NEUROD4: variants seen among roughly 807,000 people sequenced by gnomAD.
The protein encoded by NEUROD4 is neuronal differentiation 4.
Under a neutral mutation model 19.8 loss-of-function variants are expected in NEUROD4, and 16 were observed. The observed-to-expected ratio is 0.81, with a 90% confidence interval of 0.55 to 1.23. The LOEUF (loss-of-function observed/expected upper bound fraction) is 1.23, where lower values mean the gene tolerates loss of function less well. Among genes scored for constraint, NEUROD4 ranks in the 50% most tolerant of loss-of-function variants. The probability of loss-of-function intolerance (pLI) is 0.00; values close to 1 mark genes in which losing one functional copy is unlikely to be tolerated. For missense variants in NEUROD4, 439 were observed against 398.6 expected, an observed-to-expected ratio of 1.10 and a Z score of -0.86; for synonymous variants, 153 against 147.9, an observed-to-expected ratio of 1.03 and a Z score of -0.25.
chr12:55,027,395 A>T lies in NEUROD4; in HGVS notation c.956A>T (p.His319Leu). 1 of 1,613,312 alleles carries T rather than the reference A, an allele frequency of 6.2e-7. No individual in the cohort carries two copies. The highest frequency in any genetic ancestry group is 8.5e-7 in the Non-Finnish European group (1 of 1,179,552). The change falls in exon 2 of 2, where the codon CAT becomes CTT. Residue 319 changes from histidine to leucine, a missense_variant. Transcript: ENST00000242994. ...ATGTCCTATGATTCCTACCCCCATCATGGTATTGGGACCCAACTCAATACA... is the reference window on the plus strand; with the variant it reads ...ATGTCCTATGATTCCTACCCCCATCTTGGTATTGGGACCCAACTCAATACA... ...IDMSYDSYPH[H>L]GIGTQLNTVF...
chr12:55,027,728 T>G lies in NEUROD4; in HGVS notation c.*293T>G, dbSNP rs1269804103. 3.1e-6 allele frequency: 1 copy of G among 321,500 alleles called. No individual in the cohort carries two copies. Among genetic ancestry groups the G allele is most frequent in the Non-Finnish European group, 6.0e-6 (1 of 167,656 alleles). The allele number at this position is 321,500 out of a possible 1,614,324, so 19.9% of individuals were successfully genotyped here. A position where few individuals can be genotyped will look rare whatever the true frequency, so the allele number is the denominator to read the frequency against. The stretch of plus-strand genomic sequence containing the variant: ...GTGGTGCCAAAAACTCATTGCATAA[T>G]CTGTGCCAATTAATTTTCCATTTCT... On this transcript the variant is annotated 3_prime_UTR_variant, in exon 2 of 2. Coordinates refer to ENST00000242994, the MANE Select transcript of NEUROD4 (RefSeq NM_021191.3).
chr12:55,021,309 T>C (rs567719240), intron 1 of NEUROD4, among the ~76,000 whole-genome samples: 3 of 152,350 alleles, frequency 2.0e-5, no homozygotes, highest in South Asian at 2.1e-4. Context: ...GTCTTTTTAG[T>C]GCCAAGACTG....
At chr12:55,020,504 T>C (rs937269599) in intron 1 of NEUROD4, among the ~76,000 whole-genome samples, 191 bp downstream of exon 1, 1 of 152,198 alleles carries the variant, frequency 6.6e-6, no homozygotes, top group South Asian at 2.1e-4. Context: ...TAAATAATTT[T>C]ATTAAATTTT....
rs1350823449 is a variant in NEUROD4 at position 55,027,182 on chromosome 12, C to T, written c.743C>T (p.Pro248Leu). The T allele has an allele frequency of 1.9e-6, 3 of 1,614,074 alleles. No individual in the cohort carries two copies. Among genetic ancestry groups the T allele is most frequent in the South Asian group, 1.1e-5 (1 of 91,084 alleles). ...CATCTGCCTGACTGCAGTACACCCCCTTATGAGGGCCCACTCACTCCACCC... is the reference window on the plus strand; with the variant it reads ...CATCTGCCTGACTGCAGTACACCCCTTTATGAGGGCCCACTCACTCCACCC... ...GSHLPDCSTP[P>L]YEGPLTPPLS... Residue 248 changes from proline (P) to leucine (L), a missense_variant, in exon 2 of 2, where the codon CCT becomes CTT. Transcript: ENST00000242994.
rs1049761432 is a variant in NEUROD4 at position 55,028,635 on chromosome 12, A to C, written c.*1200A>C. The C allele has an allele frequency of 1.2e-5, 2 of 167,004 alleles. No homozygotes were observed. The highest frequency in any genetic ancestry group is 1.3e-4 in the Admixed American group (2 of 15,262). The allele number at this position is 167,004 out of a possible 1,614,324, so 10.3% of individuals were successfully genotyped here. On this transcript the variant is annotated 3_prime_UTR_variant, in exon 2 of 2. Transcript: ENST00000242994. ...GATCAAGGTTAAATTTTTCCAACAT[A>C]TATGTAGTTCCTTATCTCTCCCCCT... is the stretch of plus-strand genomic sequence containing the variant.
chr12:55,021,410 C>A (rs575273185), intron 1 of NEUROD4, among the ~76,000 whole-genome samples: 4 of 152,088 alleles, frequency 2.6e-5, no homozygotes, highest in Non-Finnish European at 5.9e-5. Flanking sequence ...ATTTAGTCAT[C>A]GGATCAGGAG....
At position 55,029,362 on chromosome 12, in the gene NEUROD4, T is replaced by C. The variant is rs944120534; in HGVS notation, c.*1927T>C. On this transcript the variant is annotated 3_prime_UTR_variant, in exon 2 of 2. Transcript: ENST00000242994. ...AGTAAAATGATATATAAAGCCATACTATGTGCTTTCTGAGTATATACTGCA... is the reference window on the plus strand; with the variant it reads ...AGTAAAATGATATATAAAGCCATACCATGTGCTTTCTGAGTATATACTGCA... The C allele has an allele frequency of 6.0e-6, 1 of 166,970 alleles. No homozygotes were observed. The highest frequency in any genetic ancestry group is 1.5e-5 in the Non-Finnish European group (1 of 68,110). The allele number at this position is 166,970 out of a possible 1,614,324, so 10.3% of individuals were successfully genotyped here. A position where few individuals can be genotyped will look rare whatever the true frequency, so the allele number is the denominator to read the frequency against.
chr12:55,022,184 AT>A (rs2136238292), intron 1 of NEUROD4, among the ~76,000 whole-genome samples: 1 of 152,152 alleles, frequency 6.6e-6, no homozygotes, highest in South Asian at 2.1e-4. Flanking sequence ...AATTACAATA[AT>A]TTTTCTGTGC....
intron 1 of NEUROD4, among the ~76,000 whole-genome samples, chr12:55,021,866 T>G (rs915597153): frequency 6.6e-6 from 1 of 151,932 alleles, no homozygotes; most frequent in Non-Finnish European, 1.5e-5. Context: ...AGGGCCAGAT[T>G]CTGCCCCTTG....
chr12:55,027,453 T>C lies in NEUROD4; in HGVS notation c.*18T>C. On this transcript the variant is annotated 3_prime_UTR_variant, in exon 2 of 2. Coordinates refer to ENST00000242994, the MANE Select transcript of NEUROD4 (RefSeq NM_021191.3). ...CTGAGTGAGGCAGTTAAGTTCAATG[T>C]TTCAGAGAATGACGTGGAGACATTT... 1 of 1,570,732 alleles carries C rather than the reference T, an allele frequency of 6.4e-7. No homozygotes were observed. The highest frequency in any genetic ancestry group is 1.2e-5 in the South Asian group (1 of 83,296).
At chr12:55,024,788 AAGTG>A (rs1952708568) in intron 1 of NEUROD4, among the ~76,000 whole-genome samples, 1 of 152,230 alleles carries the variant, frequency 6.6e-6, no homozygotes, top group Non-Finnish European at 1.5e-5. Context: ...AAGCCTTATT[AAGTG>A]AGTAAGTCAA....
Position 55,027,144 on chromosome 12 carries a change from G to A in NEUROD4, c.705G>A (p.Ser235=), listed in dbSNP as rs528788272. 5.6e-5 allele frequency: 91 copies of A among 1,613,968 alleles called. No individual in the cohort carries two copies. The highest frequency in any genetic ancestry group is 1.6e-4 in the Middle Eastern group (1 of 6,084). The stretch of plus-strand genomic sequence containing the variant: ...AAGTATTCAAGAGTTTGGGAGAATC[G>A]TCCTTTGGGAGCCATCTGCCTGACT... ...KPQVFKSLGE[S]SFGSHLPDCS... Residue 235 remains serine, a synonymous_variant, in exon 2 of 2, where the codon TCG becomes TCA. Coordinates refer to ENST00000242994, the MANE Select transcript of NEUROD4 (RefSeq NM_021191.3).
In NEUROD4 at chr12:55,026,823, T is replaced by G. The variant is rs1160922094; in HGVS notation, c.384T>G (p.Thr128=). 1.2e-6 allele frequency: 2 copies of G among 1,613,928 alleles called. No homozygotes were observed. Among genetic ancestry groups the G allele is most frequent in the African/African-American group, 1.3e-5 (1 of 74,874 alleles). The change falls in exon 2 of 2, where the codon ACT becomes ACG. Residue 128 remains threonine (T), a synonymous_variant. Transcript: ENST00000242994. ...CCCAAAAACTTTCCAAGATAGAGACTCTTAGACTGGCCAGGAACTATATTT... is the reference window on the plus strand; with the variant it reads ...CCCAAAAACTTTCCAAGATAGAGACGCTTAGACTGGCCAGGAACTATATTT... ...SKTQKLSKIE[T]LRLARNYIWA...
In NEUROD4 at chr12:55,028,704, T is replaced by C. The variant is rs143102516; in HGVS notation, c.*1269T>C. ...TCCTCACTTCTAAGATAGAATATGT[T>C]ATTATATATTGTAAATAACATTTCA... is the stretch of plus-strand genomic sequence containing the variant. On this transcript the variant is annotated 3_prime_UTR_variant, in exon 2 of 2. Transcript: ENST00000242994. 1.1e-3 allele frequency: 187 copies of C among 167,224 alleles called. 1 individual carries two copies. Among genetic ancestry groups the C allele is most frequent in the African/African-American group, 4.3e-3 (178 of 41,584 alleles). The allele number at this position is 167,224 out of a possible 1,614,324, so 10.4% of individuals were successfully genotyped here. A position where few individuals can be genotyped will look rare whatever the true frequency, so the allele number is the denominator to read the frequency against.
chr12:55,023,921 T>C (rs1952695621), intron 1 of NEUROD4, among the ~76,000 whole-genome samples: 1 of 152,188 alleles, frequency 6.6e-6, no homozygotes, highest in Admixed American at 6.5e-5. Context: ...TTGATGTGTG[T>C]GAATATTGAC....
At chr12:55,025,576 C>T (rs1410242795) in intron 1 of NEUROD4, among the ~76,000 whole-genome samples, 1 of 152,210 alleles carries the variant, frequency 6.6e-6, no homozygotes, top group African/African-American at 2.4e-5. Context: ...ACCCTCCTTT[C>T]TTTTCATGAT....
intron 1 of NEUROD4, among the ~76,000 whole-genome samples, chr12:55,024,747 T>A (rs1379646913): frequency 6.6e-6 from 1 of 152,184 alleles, no homozygotes; most frequent in Non-Finnish European, 1.5e-5. Flanking sequence ...TAAGTTCCAA[T>A]GTGTGTTTTC....
intron 1 of NEUROD4, among the ~76,000 whole-genome samples, chr12:55,021,959 C>T (rs2136238200): frequency 6.6e-6 from 1 of 152,236 alleles, no homozygotes; most frequent in Non-Finnish European, 1.5e-5. Flanking sequence ...GGAATTGAGG[C>T]AACCTTAAGA....
rs1159103407 is a variant in NEUROD4, at chr12:55,020,261, T to C, written c.-62T>C. The C allele has an allele frequency of 6.6e-6, 1 of 152,176 alleles. No individual in the cohort carries two copies. Among genetic ancestry groups the C allele is most frequent in the Admixed American group, 6.5e-5 (1 of 15,278 alleles). The allele number at this position is 152,176 out of a possible 1,614,324, so 9.4% of individuals were successfully genotyped here. ...CAGGGAGACTTGGCTTCTCTGACTG[T>C]CCTCTAAGACGCAGATTCACAGAGT... is the stretch of plus-strand genomic sequence containing the variant. On this transcript the variant is annotated 5_prime_UTR_variant, in exon 1 of 2. Transcript: ENST00000242994.
Sources: allele counts gnomAD v4.1 joint callset (sites outside exome capture counted in the v4.1 genomes callset), GRCh38; gene constraint gnomAD v4.1.1; transcripts MANE v1.5; gene names NCBI Gene and HGNC (gene_info 2026-07-23, HGNC 2026-07-21).